SPATA6: variants seen among roughly 807,000 people sequenced by gnomAD.
The protein encoded by SPATA6 is spermatogenesis-associated protein 6.
SPATA6 carries 56 observed loss-of-function variants against 65.3 expected under a neutral mutation model. That is an observed-to-expected ratio of 0.86 (90% CI 0.69 to 1.07). The LOEUF (loss-of-function observed/expected upper bound fraction) is 1.07. Among genes scored for constraint, SPATA6 ranks in the 50% least tolerant of loss-of-function variants. The pLI is 0.00. For synonymous variants in SPATA6, 199 were observed against 213.2 expected, an observed-to-expected ratio of 0.93 and a Z score of 0.58; for missense variants, 590 against 594.8, an observed-to-expected ratio of 0.99 and a Z score of 0.08.
chr1:48,328,177 C>T (rs1645818200), intron 11 of SPATA6, among the ~76,000 whole-genome samples: 2 of 151,934 alleles, frequency 1.3e-5, no homozygotes, highest in Non-Finnish European at 2.9e-5. Flanking sequence ...TGGCTATAAT[C>T]AGAAAAGATA....
intron 11 of SPATA6, among the ~76,000 whole-genome samples, chr1:48,339,029 C>A (rs1261589369): frequency 1.3e-5 from 2 of 151,860 alleles, no homozygotes; most frequent in African/African-American, 4.8e-5. Flanking sequence ...AGTGACAAAA[C>A]CAGAGAGCAG....
intron 11 of SPATA6, among the ~76,000 whole-genome samples, chr1:48,328,563 AGGAAT>A (rs1645829907): frequency 6.6e-6 from 1 of 152,132 alleles, no homozygotes; most frequent in Non-Finnish European, 1.5e-5. Flanking sequence ...GGGCATCTAC[AGGAAT>A]TGGACTTGTT....
intron 6 of SPATA6, chr1:48,400,679 A>AT: frequency 1.2e-6 from 1 of 867,108 alleles, no homozygotes; most frequent in Non-Finnish European, 1.6e-6. Flanking sequence ...GAAGAGTCAA[A>AT]TTTTTTAAGT....
At chr1:48,312,197 T>G (rs925944161) in intron 11 of SPATA6, among the ~76,000 whole-genome samples, 8 of 152,200 alleles carry the variant, frequency 5.3e-5, no homozygotes, top group Non-Finnish European at 8.8e-5. Flanking sequence ...TGTCCCTGTC[T>G]GACATCTTTG....
chr1:48,277,441 C>A, the SPATA6 span, among the ~76,000 whole-genome samples: 1 of 152,198 alleles, frequency 6.6e-6, no homozygotes, highest in Non-Finnish European at 1.5e-5. Context: ...AAAGGGGTGA[C>A]AGATGGCACC....
chr1:48,308,543 G>A (rs907370748), intron 11 of SPATA6, among the ~76,000 whole-genome samples: 9 of 151,984 alleles, frequency 5.9e-5, no homozygotes, highest in African/African-American at 2.2e-4. Flanking sequence ...CATTATCATT[G>A]CTCTTTATTT....
intron 11 of SPATA6, among the ~76,000 whole-genome samples, chr1:48,343,064 T>C (rs977392131): frequency 8.5e-5 from 13 of 152,098 alleles, no homozygotes; most frequent in African/African-American, 2.9e-4. Context: ...AACTTCAAAA[T>C]AACAAAAAAA....
intron 1 of SPATA6, among the ~76,000 whole-genome samples, chr1:48,458,153 TA>T (rs1440915865): frequency 7.3e-5 from 11 of 149,972 alleles, no homozygotes; most frequent in Non-Finnish European, 1.3e-4. Context: ...AGTGGCACAC[TA>T]AAAAATAATT....
chr1:48,470,227 T>A (rs1658132362), intron 1 of SPATA6, among the ~76,000 whole-genome samples: 1 of 152,144 alleles, frequency 6.6e-6, no homozygotes, highest in Non-Finnish European at 1.5e-5. Context: ...ACAGAGTACT[T>A]CCTCTTAGAA....
At chr1:48,288,318 G>A in the SPATA6 span, among the ~76,000 whole-genome samples, 1 of 152,176 alleles carries the variant, frequency 6.6e-6, no homozygotes, top group African/African-American at 2.4e-5. Context: ...GTGAGTTTGG[G>A]AGGGTCTTCC....
Position 48,403,786 on chromosome 1 carries a change from T to C in SPATA6, c.486+16A>G. The stretch of plus-strand genomic sequence containing the variant: ...ATAAATTAAACCATTAAATACTTTA[T>C]ACAAATAATTTTAACCTGAGTGTGG... On this transcript the variant is annotated intron_variant, in intron 6 of 12. Transcript: ENST00000371847. 1 of 1,579,188 alleles carries C rather than the reference T, an allele frequency of 6.3e-7. No individual in the cohort carries two copies. Among genetic ancestry groups the C allele is most frequent in the Admixed American group, 1.8e-5 (1 of 57,120 alleles).
chr1:48,302,452 C>G (rs573455208), intron 12 of SPATA6, among the ~76,000 whole-genome samples: 3 of 152,148 alleles, frequency 2.0e-5, no homozygotes, highest in Non-Finnish European at 4.4e-5. Context: ...TTGTTTAGCT[C>G]CCATTTACAA....
intron 3 of SPATA6, among the ~76,000 whole-genome samples, chr1:48,442,041 A>G (rs1441132503): frequency 6.6e-6 from 1 of 152,214 alleles, no homozygotes; most frequent in Non-Finnish European, 1.5e-5. Flanking sequence ...TATAGTCCAG[A>G]CTTACGCTGC....
chr1:48,274,727 G>A, the SPATA6 span, among the ~76,000 whole-genome samples: 1 of 152,104 alleles, frequency 6.6e-6, no homozygotes, highest in Admixed American at 6.6e-5. Context: ...GTACCATGCT[G>A]TTTTCATTAC....
intron 11 of SPATA6, among the ~76,000 whole-genome samples, chr1:48,327,168 A>G (rs1398489179): frequency 2.0e-5 from 3 of 152,168 alleles, no homozygotes; most frequent in Admixed American, 6.5e-5. Context: ...AGAAAAACCA[A>G]TAAAAAACCA....
At chr1:48,264,997 A>C in the SPATA6 span, among the ~76,000 whole-genome samples, 3 of 152,194 alleles carry the variant, frequency 2.0e-5, no homozygotes, top group African/African-American at 7.2e-5. Flanking sequence ...GTGCCTCTTC[A>C]TGCCTCCATG....
intron 11 of SPATA6, among the ~76,000 whole-genome samples, chr1:48,344,769 A>T (rs1358947525): frequency 6.6e-6 from 1 of 152,324 alleles, no homozygotes; most frequent in Non-Finnish European, 1.5e-5. Flanking sequence ...AGATAAAGAA[A>T]GACAAAGAAG....
chr1:48,438,710 G>A (rs563153861), intron 3 of SPATA6, among the ~76,000 whole-genome samples: 9 of 152,062 alleles, frequency 5.9e-5, no homozygotes, highest in Non-Finnish European at 8.8e-5. Flanking sequence ...ACTTCCTCTC[G>A]CCTCTTTTCT....
At chr1:48,300,958 C>G (rs1321130223) in intron 12 of SPATA6, among the ~76,000 whole-genome samples, 1 of 152,086 alleles carries the variant, frequency 6.6e-6, no homozygotes, top group East Asian at 1.9e-4. Context: ...TAATATTATA[C>G]TGAATGGGAA....
Sources: allele counts gnomAD v4.1 joint callset (sites outside exome capture counted in the v4.1 genomes callset), GRCh38; gene constraint gnomAD v4.1.1; transcripts MANE v1.5; gene names NCBI Gene and HGNC (gene_info 2026-07-23, HGNC 2026-07-21).